GLIS3: variants seen among roughly 807,000 people sequenced by gnomAD.
GLIS3 encodes the protein GLIS family zinc finger 3.
GLIS3 carries 53 observed loss-of-function variants against 78.6 expected under a neutral mutation model. The observed-to-expected ratio is 0.67, with a 90% CI of 0.54 to 0.85. The LOEUF is 0.85. Ranked by LOEUF, GLIS3 falls within the 40% of genes least tolerant of loss-of-function variation. The probability of loss-of-function intolerance (pLI) is 0.00; values close to 1 mark genes in which losing one functional copy is unlikely to be tolerated. For synonymous variants in GLIS3, 684 were observed against 509.9 expected (o/e 1.34, Z -4.60); for missense variants, 1,703 against 1,231.1 (o/e 1.38, Z -5.74).
the GLIS3 span, among the ~76,000 whole-genome samples, chr9:4,379,081 G>T: frequency 1.3e-5 from 2 of 152,086 alleles, no homozygotes; most frequent in African/African-American, 4.8e-5. Context: ...GCAGCCTCTC[G>T]GCCGTGTCGT....
chr9:4,284,396 G>C (rs1827806123), intron 2 of GLIS3, among the ~76,000 whole-genome samples: 2 of 152,190 alleles, frequency 1.3e-5, no homozygotes, highest in South Asian at 4.2e-4. Flanking sequence ...TGCGCTAAAA[G>C]GCTTTATCGG....
intron 4 of GLIS3, among the ~76,000 whole-genome samples, chr9:3,986,370 T>G (rs549777327): frequency 4.6e-5 from 7 of 152,328 alleles, no homozygotes; most frequent in Admixed American, 1.3e-4. Flanking sequence ...GGACTGAAGC[T>G]TCCTTGTGTC....
chr9:4,158,372 CCT>C (rs1835200247), intron 2 of GLIS3, among the ~76,000 whole-genome samples: 1 of 152,122 alleles, frequency 6.6e-6, no homozygotes, highest in African/African-American at 2.4e-5. Flanking sequence ...GTTACTGTCC[CCT>C]CTGTCACGGA....
At chr9:3,895,588 C>G (rs987872120) in intron 7 of GLIS3, among the ~76,000 whole-genome samples, 7 of 152,208 alleles carry the variant, frequency 4.6e-5, no homozygotes, top group Non-Finnish European at 7.3e-5. Flanking sequence ...TTCAGGCAAT[C>G]CTTTCCAATC....
intron 4 of GLIS3, chr9:4,054,310 G>A (rs921218960): frequency 2.2e-5 from 22 of 983,954 alleles, no homozygotes; most frequent in Non-Finnish European, 2.4e-5. Flanking sequence ...GTACTCTACA[G>A]ATGTTTCCAC....
At chr9:3,952,355 C>G (rs1028341817) in intron 4 of GLIS3, among the ~76,000 whole-genome samples, 2 of 152,144 alleles carry the variant, frequency 1.3e-5, no homozygotes, top group African/African-American at 2.4e-5. Flanking sequence ...AGAAGCCCCC[C>G]CAGAGGCACC....
chr9:4,399,540 C>T, the GLIS3 span, among the ~76,000 whole-genome samples: 1 of 152,350 alleles, frequency 6.6e-6, no homozygotes, highest in South Asian at 2.1e-4. Context: ...TGCCATTTCC[C>T]CTGTACCATG....
At chr9:3,981,868 G>C (rs1350776699) in intron 4 of GLIS3, among the ~76,000 whole-genome samples, 2 of 152,054 alleles carry the variant, frequency 1.3e-5, no homozygotes. Context: ...GCTTTCATGG[G>C]ACATTCAAAA....
intron 2 of GLIS3, among the ~76,000 whole-genome samples, chr9:4,265,865 G>A (rs10974423): frequency 0.21 from 32,093 of 151,712 alleles, 3,890 homozygotes; most frequent in South Asian, 0.45. Flanking sequence ...TCAACCAAAA[G>A]CAGAATGTTT....
At chr9:3,942,993 A>T (rs535364089) in intron 4 of GLIS3, among the ~76,000 whole-genome samples, 2 of 152,226 alleles carry the variant, frequency 1.3e-5, no homozygotes, top group East Asian at 3.9e-4. Flanking sequence ...TTTAGGTGGG[A>T]AGATAATAGG....
At chr9:3,863,418 A>G (rs1820363837) in intron 8 of GLIS3, among the ~76,000 whole-genome samples, 1 of 152,228 alleles carries the variant, frequency 6.6e-6, no homozygotes, top group African/African-American at 2.4e-5. Flanking sequence ...GGGTAATTGC[A>G]ACACTGTCCA....
At chr9:4,099,663 C>A (rs1326411304) in intron 4 of GLIS3, among the ~76,000 whole-genome samples, 1 of 152,140 alleles carries the variant, frequency 6.6e-6, no homozygotes, top group Non-Finnish European at 1.5e-5. Context: ...CAAAGTCCTG[C>A]TCCAAAATGC....
chr9:4,268,126 G>C (rs1289304690), intron 2 of GLIS3, among the ~76,000 whole-genome samples: 1 of 152,138 alleles, frequency 6.6e-6, no homozygotes, highest in Non-Finnish European at 1.5e-5. Flanking sequence ...TAGAGCCAAA[G>C]TGGCTGGTTC....
At chr9:3,915,245 C>A (rs1311274094) in intron 6 of GLIS3, among the ~76,000 whole-genome samples, 3 of 152,160 alleles carry the variant, frequency 2.0e-5, no homozygotes, top group Non-Finnish European at 4.4e-5. Context: ...TGTCTTTCTT[C>A]TTATCATCCA....
At chr9:4,366,049 G>A in the GLIS3 span, among the ~76,000 whole-genome samples, 2 of 152,174 alleles carry the variant, frequency 1.3e-5, no homozygotes, top group Non-Finnish European at 2.9e-5. Flanking sequence ...ATGCTTCGGT[G>A]GTGAACTTCG....
chr9:4,163,066 G>C (rs1344796354), intron 2 of GLIS3, among the ~76,000 whole-genome samples: 2 of 152,162 alleles, frequency 1.3e-5, no homozygotes, highest in African/African-American at 4.8e-5. Flanking sequence ...CATCATGCTA[G>C]GGACTCTACA....
chr9:4,475,082 C>T, the GLIS3 span, among the ~76,000 whole-genome samples: 1 of 148,958 alleles, frequency 6.7e-6, no homozygotes, highest in South Asian at 2.1e-4. Context: ...CAAACTCTGC[C>T]TCCTGGGTTC....
At chr9:3,979,955 A>G (rs1819119202) in intron 4 of GLIS3, among the ~76,000 whole-genome samples, 1 of 152,142 alleles carries the variant, frequency 6.6e-6, no homozygotes, top group East Asian at 1.9e-4. Flanking sequence ...ACGGCAGATA[A>G]CGGTAAGTAC....
At chr9:4,300,438 GAAT>G (rs1817020149), upstream of GLIS3, among the ~76,000 whole-genome samples, 1 of 152,132 alleles carries the variant, frequency 6.6e-6, no homozygotes, top group African/African-American at 2.4e-5. Flanking sequence ...AATACGGAGA[GAAT>G]AACACAGTGA....
Sources: gnomAD v4.1 joint callset for allele counts (sites outside exome capture counted in the v4.1 genomes callset) on GRCh38, gnomAD v4.1.1 for gene constraint, MANE v1.5 for transcripts, NCBI Gene and HGNC (gene_info 2026-07-23, HGNC 2026-07-21) for gene names.